Variants in ARHGEF7 observed in about 807,000 individuals in gnomAD.
ARHGEF7 encodes the protein PAK-interacting exchange factor beta.
ARHGEF7 carries 33 observed loss-of-function variants against 109.8 expected under a neutral mutation model. The observed-to-expected ratio is 0.30, with a 90% CI of 0.23 to 0.40. The LOEUF (loss-of-function observed/expected upper bound fraction) is 0.40, where lower values mean the gene tolerates loss of function less well. Among genes scored for constraint, ARHGEF7 ranks in the 10% least tolerant of loss-of-function variants. The pLI, the probability that ARHGEF7 is intolerant of heterozygous loss-of-function variation, is 1.00. For synonymous variants in ARHGEF7, 458 were observed against 424.6 expected (o/e 1.08, Z -0.97); for missense variants, 938 against 1,098.5 (o/e 0.85, Z 2.07).
At chr13:111,206,954 T>C (rs1594720805) in intron 3 of ARHGEF7, among the ~76,000 whole-genome samples, 1 of 105,174 alleles carries the variant, frequency 9.5e-6, no homozygotes, top group Non-Finnish European at 1.8e-5. Flanking sequence ...AGAGCGAGAC[T>C]CCATCTAAAA....
chr13:111,141,195 T>G (rs991605492), intron 1 of ARHGEF7, among the ~76,000 whole-genome samples: 2 of 152,194 alleles, frequency 1.3e-5, no homozygotes, highest in African/African-American at 4.8e-5. Context: ...GGGTTCACTG[T>G]GTGTTGTATG....
At chr13:111,157,277 T>C (rs908643715) in intron 2 of ARHGEF7, among the ~76,000 whole-genome samples, 3 of 124,402 alleles carry the variant, frequency 2.4e-5, no homozygotes, top group Non-Finnish European at 5.0e-5. Flanking sequence ...CTTTTTTACT[T>C]GGCATGCTTA....
chr13:111,299,250 T>C (rs1056428117), intron 19 of ARHGEF7, among the ~76,000 whole-genome samples: 1 of 152,020 alleles, frequency 6.6e-6, no homozygotes, highest in African/African-American at 2.4e-5. Flanking sequence ...GAACGTCTTA[T>C]GAGACATCTT....
intron 2 of ARHGEF7, among the ~76,000 whole-genome samples, chr13:111,172,525 G>T (rs2077702221): frequency 6.6e-6 from 1 of 152,142 alleles, no homozygotes; most frequent in Non-Finnish European, 1.5e-5. Context: ...CATCCTCTCT[G>T]ACTGCTTCTG....
At chr13:111,119,919 C>T (rs2067065825) in intron 1 of ARHGEF7, among the ~76,000 whole-genome samples, 1 of 152,196 alleles carries the variant, frequency 6.6e-6, no homozygotes, top group African/African-American at 2.4e-5. Flanking sequence ...CTCACTCAGG[C>T]CCGTGACCTG....
At chr13:111,172,283 A>G (rs1164992175) in intron 2 of ARHGEF7, among the ~76,000 whole-genome samples, 1 of 152,162 alleles carries the variant, frequency 6.6e-6, no homozygotes, top group Non-Finnish European at 1.5e-5. Flanking sequence ...GGAAGTATAT[A>G]TTCTCTTAAT....
chr13:111,275,418 G>T, intron 11 of ARHGEF7, 114 bp from the exon 12 acceptor site: 1 of 1,178,940 alleles, frequency 8.5e-7, no homozygotes, highest in African/African-American at 1.5e-5. Flanking sequence ...TTATCTGTCT[G>T]AAGAAGTAAG....
intron 2 of ARHGEF7, among the ~76,000 whole-genome samples, chr13:111,194,265 T>G (rs2080242801): frequency 6.6e-6 from 1 of 152,240 alleles, no homozygotes; most frequent in Non-Finnish European, 1.5e-5. Flanking sequence ...GGCTTAAATC[T>G]GGAGCTTGTA....
chr13:111,268,678 C>T (rs1595374379), intron 9 of ARHGEF7, among the ~76,000 whole-genome samples: 1 of 152,132 alleles, frequency 6.6e-6, no homozygotes, highest in South Asian at 2.1e-4. Context: ...CTGCTCCCTT[C>T]AGGCTCTGCA....
chr13:111,240,455 C>T (rs1013340324), intron 6 of ARHGEF7, among the ~76,000 whole-genome samples: 11 of 152,158 alleles, frequency 7.2e-5, no homozygotes, highest in Non-Finnish European at 1.3e-4. Flanking sequence ...ACCGTGTGGT[C>T]GGGGAGCCAC....
chr13:111,200,574 C>A (rs1164821486), intron 2 of ARHGEF7, among the ~76,000 whole-genome samples: 6 of 152,150 alleles, frequency 3.9e-5, no homozygotes, highest in African/African-American at 7.2e-5. Context: ...GGGACACCCA[C>A]AGCTGTGTGG....
At chr13:111,219,071 T>C (rs12583689) in intron 5 of ARHGEF7, among the ~76,000 whole-genome samples, 1 of 152,270 alleles carries the variant, frequency 6.6e-6, no homozygotes, top group South Asian at 2.1e-4. Flanking sequence ...AGTGTACTGT[T>C]CAGTAGCACT....
intron 8 of ARHGEF7, among the ~76,000 whole-genome samples, chr13:111,261,482 A>G (rs1331167329): frequency 6.6e-6 from 1 of 152,256 alleles, no homozygotes; most frequent in Non-Finnish European, 1.5e-5. Flanking sequence ...TATTAGAACT[A>G]AAGATAAACC....
chr13:111,209,900 T>G lies in ARHGEF7; in HGVS notation c.366T>G (p.Cys122Trp). The change falls in exon 4 of 22, where the codon TGT (cysteine) becomes TGG (tryptophan). Residue 122 changes from cysteine to tryptophan, a missense_variant. Cys to Trp is a radical substitution (Grantham distance 215). Coordinates refer to ENST00000646102, the MANE Select transcript of ARHGEF7 (RefSeq NM_001354046.2). ...TCGGGCTGGGGAGTGACTCCGTGTGTGCCCGGCCCTCGTCTCACCGCATAA... is the reference window on the plus strand; with the variant it reads ...TCGGGCTGGGGAGTGACTCCGTGTGGGCCCGGCCCTCGTCTCACCGCATAA... ...ADIGLGSDSV[C>W]ARPSSHRIKS... The G allele has an allele frequency of 3.1e-6, 5 of 1,614,218 alleles. No individual in the cohort carries two copies. Among genetic ancestry groups the G allele is most frequent in the Non-Finnish European group, 4.2e-6 (5 of 1,180,038 alleles).
chr13:111,158,929 T>C, intron 2 of ARHGEF7: 1 of 668,298 alleles, frequency 1.5e-6, no homozygotes, highest in South Asian at 1.7e-5. Flanking sequence ...TATTGTTAAC[T>C]GTAGTCACCT....
chr13:111,278,855 A>G (rs1281932446), intron 13 of ARHGEF7, among the ~76,000 whole-genome samples: 1 of 152,236 alleles, frequency 6.6e-6, no homozygotes, highest in African/African-American at 2.4e-5. Context: ...CACTTGTGGC[A>G]GGCTTGAGTC....
chr13:111,159,819 C>T (rs1463190468), intron 2 of ARHGEF7, among the ~76,000 whole-genome samples: 1 of 152,050 alleles, frequency 6.6e-6, no homozygotes, highest in African/African-American at 2.4e-5. Flanking sequence ...TGAGTTGTCT[C>T]TTAATTCTGT....
At chr13:111,165,989 C>T (rs1230637248) in intron 2 of ARHGEF7, among the ~76,000 whole-genome samples, 2 of 152,146 alleles carry the variant, frequency 1.3e-5, no homozygotes, top group African/African-American at 4.8e-5. Context: ...CCAGGAAAGC[C>T]TCTGGCAGTT....
chr13:111,265,534 A>G (rs1019983839), intron 8 of ARHGEF7: 1 of 456,580 alleles, frequency 2.2e-6, no homozygotes, highest in Non-Finnish European at 4.4e-6. Context: ...GTGGAGGCAC[A>G]CCCAGAGACT....
Sources: gnomAD v4.1 joint callset for allele counts (sites outside exome capture counted in the v4.1 genomes callset) on GRCh38, gnomAD v4.1.1 for gene constraint, MANE v1.5 for transcripts, NCBI Gene and HGNC (gene_info 2026-07-23, HGNC 2026-07-21) for gene names.